Variants in PACSIN2 observed in about 807,000 individuals in gnomAD.
PACSIN2 encodes protein kinase C and casein kinase substrate in neurons 2, also known as protein kinase C and casein kinase substrate in neurons protein 2.
Under a neutral mutation model 63.8 loss-of-function variants are expected in PACSIN2, and 25 were observed. The ratio of observed to expected loss-of-function variants is 0.39; its 90% confidence interval spans 0.29 to 0.55. PACSIN2 has a LOEUF of 0.55. Ranked by LOEUF, PACSIN2 falls within the 20% of genes least tolerant of loss-of-function variation. The probability of loss-of-function intolerance (pLI) is 0.62; values close to 1 mark genes in which losing one functional copy is unlikely to be tolerated. For missense variants in PACSIN2, 518 were observed against 646.9 expected (o/e 0.80, Z 2.16); for synonymous variants, 255 against 256.2 (o/e 1.00, Z 0.05).
intron 1 of PACSIN2, among the ~76,000 whole-genome samples, chr22:42,997,036 G>C (rs5759078): frequency 0.61 from 92,533 of 152,102 alleles, 28,737 homozygotes; most frequent in East Asian, 0.78. Context: ...GGCTAGAAGG[G>C]GGCTGGGAGG....
chr22:42,878,973 G>T, intron 8 of PACSIN2, 75 bp downstream of exon 8: 1 of 1,537,636 alleles, frequency 6.5e-7, no homozygotes. Context: ...GGCCGGGGCT[G>T]CCCTGGACCA....
chr22:42,961,386 C>A (rs1934127431), intron 1 of PACSIN2, among the ~76,000 whole-genome samples: 1 of 150,710 alleles, frequency 6.6e-6, no homozygotes, highest in Non-Finnish European at 1.5e-5. Flanking sequence ...ACCTTCCCTC[C>A]ACTATTGTCC....
chr22:42,961,912 C>T (rs1453713233), intron 1 of PACSIN2, among the ~76,000 whole-genome samples: 1 of 152,152 alleles, frequency 6.6e-6, no homozygotes. Flanking sequence ...CCCACACAGC[C>T]CGTCACCAAA....
intron 1 of PACSIN2, among the ~76,000 whole-genome samples, chr22:42,981,633 G>C (rs1215166622): frequency 8.2e-6 from 1 of 122,152 alleles, no homozygotes; most frequent in Non-Finnish European, 1.8e-5. Context: ...CAGCCGCCCC[G>C]TCCGGGAGGG....
chr22:42,970,559 T>C (rs992492628), intron 1 of PACSIN2, among the ~76,000 whole-genome samples: 7 of 152,250 alleles, frequency 4.6e-5, no homozygotes, highest in African/African-American at 1.2e-4. Flanking sequence ...TTGCAACTTT[T>C]CTGCACATAT....
At chr22:43,012,427 T>G (rs1242457264) in intron 1 of PACSIN2, among the ~76,000 whole-genome samples, 2 of 152,030 alleles carry the variant, frequency 1.3e-5, no homozygotes, top group Non-Finnish European at 1.5e-5. Context: ...GTTATCTCCC[T>G]GCAGAATGCT....
chr22:42,990,195 G>C (rs750400603), intron 1 of PACSIN2, among the ~76,000 whole-genome samples: 1 of 151,942 alleles, frequency 6.6e-6, no homozygotes, highest in Non-Finnish European at 1.5e-5. Flanking sequence ...GTCAGTCAAC[G>C]TGACTTTCCA....
intron 2 of PACSIN2, among the ~76,000 whole-genome samples, chr22:42,901,888 G>A (rs373572481): frequency 2.6e-5 from 4 of 152,180 alleles, no homozygotes; most frequent in African/African-American, 7.2e-5. Flanking sequence ...TCTTCCTTCC[G>A]TGGTTCAGCT....
At chr22:43,003,095 C>A (rs374762889) in intron 1 of PACSIN2, among the ~76,000 whole-genome samples, 1 of 152,332 alleles carries the variant, frequency 6.6e-6, no homozygotes, top group South Asian at 2.1e-4. Context: ...ACAGAGACAA[C>A]GTACCTCTCT....
At chr22:42,982,890 A>C (rs1021754834) in intron 1 of PACSIN2, among the ~76,000 whole-genome samples, 1 of 116,346 alleles carries the variant, frequency 8.6e-6, no homozygotes, top group Non-Finnish European at 1.6e-5. Context: ...AAAAAAAAAA[A>C]CAACAACAAG....
intron 1 of PACSIN2, among the ~76,000 whole-genome samples, chr22:42,989,259 A>G (rs566295363): frequency 1.3e-5 from 2 of 152,270 alleles, no homozygotes; most frequent in South Asian, 2.1e-4. Flanking sequence ...GCACTTTGGG[A>G]GGCGAGGTGG....
At chr22:42,922,604 C>T (rs1044486179) in intron 1 of PACSIN2, among the ~76,000 whole-genome samples, 2 of 152,200 alleles carry the variant, frequency 1.3e-5, no homozygotes, top group African/African-American at 4.8e-5. Flanking sequence ...ACCTGCAGCT[C>T]GTTTCCTCTT....
At position 42,876,224 on chromosome 22, in the gene PACSIN2, C is replaced by G; in HGVS notation, c.1261G>C (p.Asp421His). The change falls in exon 10 of 11, where the codon GAC becomes CAC. Residue 421 changes from aspartate (D) to histidine (H), a missense_variant. Coordinates refer to ENST00000263246, the MANE Select transcript of PACSIN2 (RefSeq NM_001184970.3). ...ACTTCCGTCCCCGAGGTGGCGTCGT[C>G]GTCGAATGGATTCGAGTCCCCATTG... ...DANGDSNPFDDDATSGTEVRV... is the reference protein window; with the variant it reads ...DANGDSNPFDHDATSGTEVRV... 6.2e-7 allele frequency: 1 copy of G among 1,614,208 alleles called. No individual in the cohort carries two copies. Among genetic ancestry groups the G allele is most frequent in the Non-Finnish European group, 8.5e-7 (1 of 1,180,036 alleles).
At chr22:43,004,051 G>A (rs1923936441) in intron 1 of PACSIN2, among the ~76,000 whole-genome samples, 1 of 152,202 alleles carries the variant, frequency 6.6e-6, no homozygotes, top group Non-Finnish European at 1.5e-5. Context: ...ATGTTTCTCA[G>A]AGGTGGGGGA....
intron 1 of PACSIN2, among the ~76,000 whole-genome samples, chr22:42,936,253 G>GA (rs1932915234): frequency 6.6e-6 from 1 of 151,352 alleles, no homozygotes. Context: ...TTCCACTCAT[G>GA]AAACAGGGAT....
intron 1 of PACSIN2, among the ~76,000 whole-genome samples, chr22:42,939,631 T>C (rs1397192595): frequency 6.6e-6 from 1 of 152,118 alleles, no homozygotes; most frequent in Non-Finnish European, 1.5e-5. Flanking sequence ...GCTTTCAAAG[T>C]TGGGTGGGAC....
chr22:42,957,555 A>G (rs1360718389), intron 1 of PACSIN2, among the ~76,000 whole-genome samples: 1 of 152,248 alleles, frequency 6.6e-6, no homozygotes, highest in Non-Finnish European at 1.5e-5. Context: ...AATTTTTAGC[A>G]GAGACCATTT....
At chr22:42,967,059 G>A (rs1335268780) in intron 1 of PACSIN2, among the ~76,000 whole-genome samples, 3 of 152,142 alleles carry the variant, frequency 2.0e-5, no homozygotes, top group African/African-American at 4.8e-5. Context: ...AGTCTGGTAG[G>A]GTAGACGGAC....
Position 42,936,062 on chromosome 22 carries a change from A to G in PACSIN2, c.-77-23905T>C, listed in dbSNP as rs554030661. On this transcript the variant is annotated intron_variant, in intron 1 of 10. Coordinates refer to ENST00000263246, the MANE Select transcript of PACSIN2 (RefSeq NM_001184970.3). ...CCCCGTCTCTACTAAAAAAAATACA[A>G]AAAATTAGCCGAACATGGTGGCGGG... 8.5e-5 allele frequency among the ~76,000 whole-genome samples: 13 copies of G among 152,194 alleles called. No individual in the cohort carries two copies. The East Asian group carries it at 2.5e-3, about 29-fold the overall frequency.
Sources: gnomAD v4.1 joint callset for allele counts (sites outside exome capture counted in the v4.1 genomes callset) on GRCh38, gnomAD v4.1.1 for gene constraint, MANE v1.5 for transcripts, NCBI Gene and HGNC (gene_info 2026-07-23, HGNC 2026-07-21) for gene names.